The following ZNF451 variants were observed in gnomAD, a reference collection of about 807,000 sequenced individuals.
ZNF451 encodes zinc finger protein 451.
In ZNF451, 80 loss-of-function variants were observed where a neutral mutation model predicts 107.1. That is an observed-to-expected ratio of 0.75 (90% CI 0.62 to 0.90). The LOEUF is 0.90. Ranked by LOEUF, ZNF451 falls within the 40% of genes least tolerant of loss-of-function variation. The probability of loss-of-function intolerance (pLI) is 0.00; values close to 1 mark genes in which losing one functional copy is unlikely to be tolerated. For synonymous variants in ZNF451, 362 were observed against 406.5 expected (o/e 0.89, Z 1.32); for missense variants, 1,107 against 1,236.2 (o/e 0.90, Z 1.57).
At chr6:57,145,421 A>G (rs996321435) in intron 9 of ZNF451, among the ~76,000 whole-genome samples, 1 of 152,170 alleles carries the variant, frequency 6.6e-6, no homozygotes, top group Non-Finnish European at 1.5e-5. Flanking sequence ...CATTGTACCC[A>G]ATAGGTTATT....
chr6:57,152,372 A>C, intron 12 of ZNF451, 21 bp downstream of exon 12: 2 of 1,612,100 alleles, frequency 1.2e-6, no homozygotes, highest in Non-Finnish European at 1.7e-6. Context: ...GTTTTATTCA[A>C]AATCTAATGT....
At position 57,124,807 on chromosome 6, in the gene ZNF451, G is replaced by A. The variant is rs200292215; in HGVS notation, c.260G>A (p.Arg87His). 1.5e-4 allele frequency: 234 copies of A among 1,611,154 alleles called. 1 individual carries two copies. The highest frequency in any genetic ancestry group is 4.2e-5 in the Non-Finnish European group (49 of 1,178,130). ...GCTTTAACTCTGGCTCGTCTAGCCC[G>A]CCATGTTGAAGTGGAGAAACAGCAG... ...KVALTLARLA[R>H]HVEVEKQQKE... Residue 87 changes from arginine to histidine, a missense_variant, in exon 4 of 15, where the codon CGC becomes CAC. Arg to His is a conservative substitution (Grantham distance 29). Coordinates refer to ENST00000370706, the MANE Select transcript of ZNF451 (RefSeq NM_001031623.3).
At chr6:57,098,922 G>T in intron 2 of ZNF451, 139 bp from the exon 3 acceptor site, 1 of 583,180 alleles carries the variant, frequency 1.7e-6, no homozygotes, top group Non-Finnish European at 3.1e-6. Context: ...CTTTTGTTCT[G>T]GTTATTTTCT....
At chr6:57,097,535 T>C (rs887980592) in intron 2 of ZNF451, among the ~76,000 whole-genome samples, 3 of 152,266 alleles carry the variant, frequency 2.0e-5, no homozygotes, top group African/African-American at 4.8e-5. Flanking sequence ...GCTTCTGTGC[T>C]CACTACTTTC....
At chr6:57,140,651 A>G (rs945519372) in intron 7 of ZNF451, among the ~76,000 whole-genome samples, 6 of 144,036 alleles carry the variant, frequency 4.2e-5, no homozygotes, top group African/African-American at 8.8e-5. Flanking sequence ...TTCTAGTGGG[A>G]AAAAAAAACC....
intron 3 of ZNF451, among the ~76,000 whole-genome samples, chr6:57,117,652 A>G (rs1830436978): frequency 6.6e-6 from 1 of 152,120 alleles, no homozygotes; most frequent in African/African-American, 2.4e-5. Context: ...TTCCTACTGA[A>G]TATATAATTG....
chr6:57,129,025 G>A (rs1831059846), intron 5 of ZNF451, among the ~76,000 whole-genome samples, 185 bp downstream of exon 5: 1 of 151,960 alleles, frequency 6.6e-6, no homozygotes, highest in Non-Finnish European at 1.5e-5. Context: ...TTCTTCTTTG[G>A]CACAAGTATA....
intron 7 of ZNF451, among the ~76,000 whole-genome samples, chr6:57,138,737 ATATATGTGTGTGTG>A (rs1831584112): frequency 2.2e-5 from 2 of 91,292 alleles, no homozygotes; most frequent in Non-Finnish European, 4.1e-5. Context: ...ATATATATAT[ATATATGTGTGTGTG>A]TGTGTGTGTG....
At chr6:57,157,052 A>G (rs968566232) in intron 13 of ZNF451, among the ~76,000 whole-genome samples, 1 of 152,184 alleles carries the variant, frequency 6.6e-6, no homozygotes, top group Non-Finnish European at 1.5e-5. Context: ...GACTCCTGCT[A>G]TAAGTAACAT....
chr6:57,091,512 A>C (rs1829042820), intron 2 of ZNF451: 1 of 151,716 alleles, frequency 6.6e-6, no homozygotes, highest in Non-Finnish European at 1.5e-5. Flanking sequence ...CAGAATTTCC[A>C]GGCGGGGGCC....
At chr6:57,107,637 T>C (rs1269814363) in intron 3 of ZNF451, 1 of 985,296 alleles carries the variant, frequency 1.0e-6, no homozygotes, top group Non-Finnish European at 1.2e-6. Context: ...TTTCCGTAGA[T>C]GTTAAGGGCT....
At chr6:57,109,260 G>A in intron 3 of ZNF451, 2 of 983,632 alleles carry the variant, frequency 2.0e-6, no homozygotes, top group Non-Finnish European at 2.4e-6. Flanking sequence ...TTTTTTCTTT[G>A]TTCAATGTTG....
chr6:57,157,290 A>C (rs555510106), intron 13 of ZNF451, among the ~76,000 whole-genome samples: 1 of 152,190 alleles, frequency 6.6e-6, no homozygotes, highest in African/African-American at 2.4e-5. Context: ...AGAATCGATC[A>C]TATGGTATCA....
chr6:57,119,252 C>T (rs1199002981), intron 3 of ZNF451, among the ~76,000 whole-genome samples: 4 of 151,908 alleles, frequency 2.6e-5, no homozygotes, highest in Non-Finnish European at 4.4e-5. Context: ...AAGGCCGGGG[C>T]GTGGTGGTGC....
intron 3 of ZNF451, chr6:57,104,818 G>C: frequency 2.0e-6 from 2 of 985,352 alleles, no homozygotes; most frequent in African/African-American, 3.5e-5. Context: ...ATATGCCCAA[G>C]TGTCTCCAGA....
rs1258928376 is a variant in ZNF451, at chr6:57,148,333, A to C, written c.2248A>C (p.Lys750Gln). The change falls in exon 10 of 15, where the codon AAA becomes CAA. Residue 750 changes from lysine to glutamine, a missense_variant. Lys to Gln is a moderately conservative substitution (Grantham distance 53). This residue lies in a region of ZNF451 where 608 missense variants were observed against 649.2 expected (regional missense o/e 0.94). Transcript: ENST00000370706. ...TCTCCAAATCATGCTGGATAAAGGA[A>C]AACTGTGGTTTCGCTGCAGTTTATG... ...RCLQIMLDKG[K>Q]LWFRCSLCSA... is the part of the protein sequence containing the mutation. The C allele has an allele frequency of 1.2e-6, 2 of 1,613,960 alleles. No individual in the cohort carries two copies. Among genetic ancestry groups the C allele is most frequent in the African/African-American group, 2.7e-5 (2 of 74,934 alleles).
intron 9 of ZNF451, among the ~76,000 whole-genome samples, chr6:57,146,797 C>G (rs1832086894): frequency 6.6e-6 from 1 of 152,138 alleles, no homozygotes; most frequent in Non-Finnish European, 1.5e-5. Context: ...CAATAAGGTC[C>G]TCTGTCAGTG....
At chr6:57,110,085 G>T (rs1830042912) in intron 3 of ZNF451, among the ~76,000 whole-genome samples, 1 of 152,192 alleles carries the variant, frequency 6.6e-6, no homozygotes, top group Admixed American at 6.5e-5. Context: ...AAGTGTGTGA[G>T]CTGAGTTTTG....
At chr6:57,153,610 A>G (rs545504423) in intron 12 of ZNF451, among the ~76,000 whole-genome samples, 24 of 152,034 alleles carry the variant, frequency 1.6e-4, no homozygotes, top group African/African-American at 5.5e-4. Context: ...ACCGCGTTTC[A>G]CCATGTTGGC....
Sources: gnomAD v4.1 joint callset for allele counts (sites outside exome capture counted in the v4.1 genomes callset) on GRCh38, gnomAD v4.1.1 for gene constraint, gnomAD v4.1.1 regional missense constraint, MANE v1.5 for transcripts, NCBI Gene and HGNC (gene_info 2026-07-23, HGNC 2026-07-21) for gene names.